Variants in TTC23 observed in about 807,000 individuals in gnomAD.
TTC23 encodes tetratricopeptide repeat protein 23.
TTC23 carries 58 observed loss-of-function variants against 55.1 expected under a neutral mutation model. The ratio of observed to expected loss-of-function variants is 1.05; its 90% CI spans 0.85 to 1.31. The LOEUF (loss-of-function observed/expected upper bound fraction) is 1.31. Among genes scored for constraint, TTC23 ranks in the 50% most tolerant of loss-of-function variants. The pLI, the probability that TTC23 is intolerant of heterozygous loss-of-function variation, is 0.00. For missense variants in TTC23, 516 were observed against 534.4 expected (o/e 0.97, Z 0.34); for synonymous variants, 203 against 199.9 (o/e 1.02, Z -0.13).
intron 8 of TTC23, among the ~76,000 whole-genome samples, chr15:99,205,191 G>A (rs1221147185): frequency 6.6e-6 from 1 of 152,098 alleles, no homozygotes; most frequent in Admixed American, 6.5e-5. Flanking sequence ...TGCTGTTTTG[G>A]TGACTATAGA....
At chr15:99,187,474 C>CAAAAAAAAAAAAAAA (rs778180737) in intron 9 of TTC23, among the ~76,000 whole-genome samples, 1 of 94,540 alleles carries the variant, frequency 1.1e-5, no homozygotes. Context: ...AAAAACAAAA[C>CAAAAAAAAAAAAAAA]AAAAGAAACC....
chr15:99,188,650 T>C (rs2074955638), intron 9 of TTC23, among the ~76,000 whole-genome samples: 1 of 152,010 alleles, frequency 6.6e-6, no homozygotes, highest in South Asian at 2.1e-4. Flanking sequence ...GACAGGAATA[T>C]TTCACAAAAA....
intron 9 of TTC23, among the ~76,000 whole-genome samples, chr15:99,195,830 T>G (rs1262912026): frequency 2.0e-5 from 3 of 150,616 alleles, no homozygotes; most frequent in Non-Finnish European, 3.0e-5. Flanking sequence ...TATATCTTTG[T>G]ACATGCCACT....
At chr15:99,139,986 A>G (rs1368373390) in intron 12 of TTC23, 3 of 245,998 alleles carry the variant, frequency 1.2e-5, no homozygotes, top group African/African-American at 6.7e-5. Flanking sequence ...GAGAAAGATT[A>G]AAGTTGTGCC....
chr15:99,229,673 G>T (rs141434541), intron 4 of TTC23, among the ~76,000 whole-genome samples: 353 of 152,352 alleles, frequency 2.3e-3, no homozygotes, highest in African/African-American at 7.8e-3. Flanking sequence ...ATTAGCATGT[G>T]TGTAAGAAAA....
At chr15:99,181,126 C>T (rs545730405) in intron 9 of TTC23, among the ~76,000 whole-genome samples, 6 of 152,328 alleles carry the variant, frequency 3.9e-5, no homozygotes, top group African/African-American at 4.8e-5. Flanking sequence ...TCACATGGTG[C>T]GTCAGCAGCA....
At chr15:99,167,589 A>AAGGGG (rs2072303915) in intron 10 of TTC23, among the ~76,000 whole-genome samples, 2 of 152,216 alleles carry the variant, frequency 1.3e-5, no homozygotes, top group African/African-American at 4.8e-5. Context: ...GTCATTCCAA[A>AAGGGG]AGACCCTGAA....
At chr15:99,142,959 A>G (rs1555491206) in intron 12 of TTC23, among the ~76,000 whole-genome samples, 1 of 151,948 alleles carries the variant, frequency 6.6e-6, no homozygotes, top group African/African-American at 2.4e-5. Context: ...TCAAAACTCA[A>G]CTCTTCCTGG....
chr15:99,206,617 T>C (rs548407597), intron 8 of TTC23, among the ~76,000 whole-genome samples: 2 of 152,270 alleles, frequency 1.3e-5, no homozygotes, highest in East Asian at 3.9e-4. Flanking sequence ...CTCATAATAG[T>C]CTCTAATGAT....
intron 10 of TTC23, among the ~76,000 whole-genome samples, chr15:99,165,117 T>C (rs2071888627): frequency 6.6e-6 from 1 of 152,178 alleles, no homozygotes; most frequent in Non-Finnish European, 1.5e-5. Context: ...TTAGGGACAG[T>C]TTTGATAATT....
chr15:99,215,140 G>C (rs901888889), intron 8 of TTC23, among the ~76,000 whole-genome samples: 1 of 150,516 alleles, frequency 6.6e-6, no homozygotes, highest in Admixed American at 6.6e-5. Flanking sequence ...ACAGGCATGA[G>C]CCACCGTGCC....
chr15:99,150,446 C>T (rs1347782572), intron 12 of TTC23, among the ~76,000 whole-genome samples: 2 of 152,172 alleles, frequency 1.3e-5, no homozygotes, highest in East Asian at 1.9e-4. Context: ...ATATTGTAGA[C>T]GTAATAGTCC....
At chr15:99,154,561 C>A (rs1325186551) in intron 12 of TTC23, among the ~76,000 whole-genome samples, 2 of 152,112 alleles carry the variant, frequency 1.3e-5, no homozygotes. Flanking sequence ...AAGGCCCCTG[C>A]CAAATGCCAG....
chr15:99,192,757 G>A (rs531108547), intron 9 of TTC23, among the ~76,000 whole-genome samples: 5 of 152,280 alleles, frequency 3.3e-5, no homozygotes, highest in South Asian at 2.1e-4. Flanking sequence ...GAGGGCCACC[G>A]TCCTCCAGAC....
At chr15:99,202,591 TA>T (rs2076289092) in intron 8 of TTC23, among the ~76,000 whole-genome samples, 5 of 152,226 alleles carry the variant, frequency 3.3e-5, no homozygotes, top group Admixed American at 2.6e-4. Flanking sequence ...GGTTTGTTAA[TA>T]GGTGAAGACC....
chr15:99,162,708 T>C (rs547446942), intron 10 of TTC23, among the ~76,000 whole-genome samples: 1 of 152,234 alleles, frequency 6.6e-6, no homozygotes, highest in East Asian at 1.9e-4. Flanking sequence ...CCCCTGTGGT[T>C]ATGGATGGAA....
chr15:99,179,006 G>A (rs1465941108), intron 9 of TTC23, among the ~76,000 whole-genome samples: 1 of 152,126 alleles, frequency 6.6e-6, no homozygotes, highest in African/African-American at 2.4e-5. Flanking sequence ...TGTCTTCCCT[G>A]GTCCAGGCTG....
Position 99,221,848 on chromosome 15 carries a change from T to G in TTC23, c.197A>C (p.His66Pro). 1 of 1,614,218 alleles carries G rather than the reference T, an allele frequency of 6.2e-7. No individual in the cohort carries two copies. Among genetic ancestry groups the G allele is most frequent in the Middle Eastern group, 1.7e-4 (1 of 6,060 alleles). The change falls in exon 6 of 14, where the codon CAT becomes CCT. Residue 66 changes from histidine to proline, a missense_variant. By Grantham distance (77) the His-to-Pro change is moderately conservative (BLOSUM62 -2). Transcript: ENST00000394132. ...CAGTGCTACGCAACGCACAAGCTCA[T>G]GGACGGCCTGTTTGTACTGTTAGGA... ...SNSHEYKQAV[H>P]ELVRCVALTR...
chr15:99,141,894 A>T (rs1353318855), intron 12 of TTC23, among the ~76,000 whole-genome samples: 2 of 152,164 alleles, frequency 1.3e-5, no homozygotes, highest in African/African-American at 4.8e-5. Flanking sequence ...CAATATCAAG[A>T]AGTAGTAAAC....
Sources: allele counts gnomAD v4.1 joint callset (sites outside exome capture counted in the v4.1 genomes callset), GRCh38; gene constraint gnomAD v4.1.1; transcripts MANE v1.5; gene names NCBI Gene and HGNC (gene_info 2026-07-23, HGNC 2026-07-21).